GRID2: variants seen among roughly 807,000 people sequenced by gnomAD.
The protein encoded by GRID2 is glutamate receptor ionotropic, delta-2.
Under a neutral mutation model 114.8 loss-of-function variants are expected in GRID2, and 33 were observed. That is an observed-to-expected ratio of 0.29 (90% CI 0.22 to 0.38). The LOEUF is 0.38. Ranked by LOEUF, GRID2 falls within the 10% of genes least tolerant of loss-of-function variation. The pLI is 1.00. For missense variants in GRID2, 1,184 were observed against 1,257.7 expected, an observed-to-expected ratio of 0.94 and a Z score of 0.89; for synonymous variants, 505 against 449.9, an observed-to-expected ratio of 1.12 and a Z score of -1.55.
At position 92,978,407 on chromosome 4, in the gene GRID2, A is replaced by C. The variant is rs568849456; in HGVS notation, c.245-106588A>C. 3.3e-5 allele frequency among the ~76,000 whole-genome samples: 5 copies of C among 152,202 alleles called. No individual in the cohort carries two copies. In the South Asian group the frequency reaches 1.0e-3, roughly 32 times the overall value. ...GTTCATTATTCTTGTCCATTATTGT[A>C]GTCTCACCTTCAGTGCAGTATCTGG... On this transcript the variant is annotated intron_variant, in intron 2 of 15. Transcript: ENST00000282020.
intron 1 of GRID2, among the ~76,000 whole-genome samples, chr4:92,574,741 G>C (rs1434241531): frequency 1.3e-5 from 2 of 151,974 alleles, no homozygotes; most frequent in Non-Finnish European, 2.9e-5. Context: ...TTTCTCTCTA[G>C]CTGCTCTTAA....
At chr4:93,685,633 ACT>A (rs1726006534) in intron 14 of GRID2, among the ~76,000 whole-genome samples, 1 of 151,938 alleles carries the variant, frequency 6.6e-6, no homozygotes, top group South Asian at 2.1e-4. Context: ...AGCAGTCCAA[ACT>A]CTGCCTGGAT....
intron 2 of GRID2, among the ~76,000 whole-genome samples, chr4:93,044,474 T>C (rs1211653048): frequency 1.3e-5 from 2 of 152,132 alleles, no homozygotes; most frequent in Non-Finnish European, 2.9e-5. Flanking sequence ...AAGAAATCTT[T>C]TTTAAAGAAT....
At chr4:93,214,640 C>G (rs1743971553) in intron 5 of GRID2, among the ~76,000 whole-genome samples, 1 of 152,012 alleles carries the variant, frequency 6.6e-6, no homozygotes. Flanking sequence ...AAAATACACT[C>G]AATTCAAACT....
At chr4:92,944,855 A>C (rs891326415) in intron 2 of GRID2, among the ~76,000 whole-genome samples, 1 of 152,190 alleles carries the variant, frequency 6.6e-6, no homozygotes. Context: ...TTACTGTCCA[A>C]AGGGCAAACC....
At chr4:93,795,615 ATTTC>A (rs1195312430) in intron 1 of GRID2, among the ~76,000 whole-genome samples, 6 of 152,156 alleles carry the variant, frequency 3.9e-5, no homozygotes, top group Non-Finnish European at 7.4e-5. Context: ...AAATTATTGT[ATTTC>A]TTTAATAGAT....
chr4:93,615,645 A>C (rs1741555290), intron 13 of GRID2, among the ~76,000 whole-genome samples: 1 of 151,960 alleles, frequency 6.6e-6, no homozygotes, highest in South Asian at 2.1e-4. Flanking sequence ...ACCCCAAAAA[A>C]AAAAAAAAAG....
At chr4:93,611,291 G>T in intron 13 of GRID2, among the ~76,000 whole-genome samples, 1 of 110,222 alleles carries the variant, frequency 9.1e-6, no homozygotes, top group Non-Finnish European at 1.9e-5. Context: ...ATTTTTTGAA[G>T]GTTTTTTTGT....
chr4:92,473,673 T>C (rs560783790), intron 1 of GRID2, among the ~76,000 whole-genome samples: 1 of 152,078 alleles, frequency 6.6e-6, no homozygotes, highest in Non-Finnish European at 1.5e-5. Flanking sequence ...AAAAGAAATA[T>C]GTGTTCAGCT....
At chr4:92,888,061 C>T (rs570759465) in intron 2 of GRID2, among the ~76,000 whole-genome samples, 5 of 152,086 alleles carry the variant, frequency 3.3e-5, no homozygotes, top group East Asian at 1.9e-4. Flanking sequence ...ACCTAGAGTT[C>T]GAAGGATTAT....
intron 2 of GRID2, among the ~76,000 whole-genome samples, chr4:92,747,705 C>G (rs1446101847): frequency 6.6e-6 from 1 of 152,048 alleles, no homozygotes; most frequent in Non-Finnish European, 1.5e-5. Context: ...TCAAGAAATG[C>G]CAGCTTAATC....
intron 13 of GRID2, among the ~76,000 whole-genome samples, chr4:93,520,968 A>G (rs1263029285): frequency 6.6e-6 from 1 of 152,126 alleles, no homozygotes; most frequent in Non-Finnish European, 1.5e-5. Context: ...GGCCACTGTA[A>G]TAATCCAAGT....
At chr4:93,592,858 C>A (rs192827328) in intron 13 of GRID2, among the ~76,000 whole-genome samples, 2 of 152,150 alleles carry the variant, frequency 1.3e-5, no homozygotes, top group South Asian at 2.1e-4. Context: ...AAGTCTGTTT[C>A]ATCAGAGACT....
At position 92,938,859 on chromosome 4, in the gene GRID2, C is replaced by A. The variant is rs1160967078; in HGVS notation, c.245-146136C>A. On this transcript the variant is annotated intron_variant, in intron 2 of 15. Coordinates refer to ENST00000282020, the MANE Select transcript of GRID2 (RefSeq NM_001510.4). ...GATAGTTTGCTAAGAATGATGGTTT[C>A]CAGCTTCAACCATGTCCCTACAAAG... Among the ~76,000 whole-genome samples the A allele has an allele frequency of 1.4e-5, 2 of 146,346 alleles. 1 individual carries two copies. Among genetic ancestry groups the A allele is most frequent in the Non-Finnish European group, 3.0e-5 (2 of 66,334 alleles).
chr4:92,863,365 A>T (rs1744656737), intron 2 of GRID2, among the ~76,000 whole-genome samples: 1 of 152,086 alleles, frequency 6.6e-6, no homozygotes, highest in South Asian at 2.1e-4. Flanking sequence ...GTTTTGAAAT[A>T]ATCACTTATT....
intron 5 of GRID2, among the ~76,000 whole-genome samples, chr4:93,207,951 T>G (rs1743003663): frequency 6.6e-6 from 1 of 152,042 alleles, no homozygotes; most frequent in Non-Finnish European, 1.5e-5. Context: ...TGTCAAATTC[T>G]TGTGAAAGTC....
intron 2 of GRID2, among the ~76,000 whole-genome samples, chr4:92,755,472 T>C (rs2196236): frequency 0.31 from 46,375 of 151,848 alleles, 7,690 homozygotes; most frequent in Middle Eastern, 0.49. Context: ...CAGGATGGAG[T>C]GTCCTATTTT....
At chr4:92,498,397 G>C (rs1430150616) in intron 1 of GRID2, among the ~76,000 whole-genome samples, 1 of 151,778 alleles carries the variant, frequency 6.6e-6, no homozygotes, top group Non-Finnish European at 1.5e-5. Flanking sequence ...GTATGTTCCA[G>C]TAAAGGGCAA....
chr4:93,031,139 A>T (rs1724391272), intron 2 of GRID2, among the ~76,000 whole-genome samples: 1 of 144,008 alleles, frequency 6.9e-6, no homozygotes, highest in African/African-American at 2.6e-5. Context: ...TCCACCTTCC[A>T]GGTTCTAGTG....
Sources: gnomAD v4.1 joint callset for allele counts (sites outside exome capture counted in the v4.1 genomes callset) on GRCh38, gnomAD v4.1.1 for gene constraint, MANE v1.5 for transcripts, NCBI Gene and HGNC (gene_info 2026-07-23, HGNC 2026-07-21) for gene names.